SYNDIG1: variants seen among roughly 807,000 people sequenced by gnomAD.
SYNDIG1 encodes the protein synapse differentiation inducing 1.
In SYNDIG1, 9 loss-of-function variants were observed where a neutral mutation model predicts 19.4. The ratio of observed to expected loss-of-function variants is 0.46; its 90% CI spans 0.28 to 0.81. The LOEUF (loss-of-function observed/expected upper bound fraction) is 0.81, where lower values mean the gene tolerates loss of function less well. SYNDIG1 is among the 30% of genes least tolerant of loss of function. The pLI is 0.12. For synonymous variants in SYNDIG1, 141 were observed against 145.9 expected, an observed-to-expected ratio of 0.97 and a Z score of 0.24; for missense variants, 311 against 343.3, an observed-to-expected ratio of 0.91 and a Z score of 0.74.
intron 2 of SYNDIG1, among the ~76,000 whole-genome samples, chr20:24,579,254 GC>G (rs1218683821): frequency 2.0e-5 from 3 of 152,156 alleles, no homozygotes. Context: ...CAGATGCTGG[GC>G]CCTTATCACA....
At chr20:24,495,047 G>A (rs779036718) in intron 1 of SYNDIG1, among the ~76,000 whole-genome samples, 1 of 152,196 alleles carries the variant, frequency 6.6e-6, no homozygotes, top group Non-Finnish European at 1.5e-5. Flanking sequence ...ATGCATCTGC[G>A]GTAGTCATGG....
At chr20:24,489,781 C>T (rs6049733) in intron 1 of SYNDIG1, among the ~76,000 whole-genome samples, 1 of 152,226 alleles carries the variant, frequency 6.6e-6, no homozygotes, top group African/African-American at 2.4e-5. Flanking sequence ...AGCCAGGGGC[C>T]TCCAGCCAAA....
intron 3 of SYNDIG1, among the ~76,000 whole-genome samples, chr20:24,656,351 A>G (rs544791795): frequency 6.6e-6 from 1 of 152,336 alleles, no homozygotes; most frequent in South Asian, 2.1e-4. Flanking sequence ...AGTCCCACTG[A>G]TTCTAGCCGT....
intron 1 of SYNDIG1, among the ~76,000 whole-genome samples, chr20:24,485,490 T>G (rs1359038262): frequency 1.3e-5 from 2 of 152,212 alleles, no homozygotes; most frequent in Non-Finnish European, 2.9e-5. Flanking sequence ...TGGGAAAAAT[T>G]TGGAAGTTTC....
At chr20:24,538,550 C>T (rs1020137355) in intron 1 of SYNDIG1, among the ~76,000 whole-genome samples, 1 of 152,176 alleles carries the variant, frequency 6.6e-6, no homozygotes, top group African/African-American at 2.4e-5. Flanking sequence ...ATGAATAGTG[C>T]TGCTATGAAC....
chr20:24,608,060 G>C (rs563506659), intron 3 of SYNDIG1, among the ~76,000 whole-genome samples: 199 of 152,210 alleles, frequency 1.3e-3, no homozygotes, highest in Non-Finnish European at 2.7e-3. Flanking sequence ...CTGAATTTTA[G>C]TGTTTCCTTC....
rs1267137968 is a variant in SYNDIG1 at position 24,665,433 on chromosome 20, A to T, written c.706A>T (p.Ile236Phe). Residue 236 changes from isoleucine to phenylalanine, a missense_variant, in exon 4 of 4, where the codon ATT becomes TTT. By Grantham distance (21) the Ile-to-Phe change is conservative. Coordinates refer to ENST00000376862, the MANE Select transcript of SYNDIG1 (RefSeq NM_024893.3). ...ALFLAVLSIT[I>F]GTGVYVGVAV... ...ATTCCTGGCAGTGCTGTCCATCACC[A>T]TTGGGACTGGCGTCTATGTGGGCGT... is the stretch of plus-strand genomic sequence containing the variant. 6.2e-7 allele frequency: 1 copy of T among 1,613,526 alleles called. No individual in the cohort carries two copies. Among genetic ancestry groups the T allele is most frequent in the Admixed American group, 1.7e-5 (1 of 59,928 alleles).
intron 3 of SYNDIG1, among the ~76,000 whole-genome samples, chr20:24,628,432 A>T (rs181511091): frequency 4.7e-4 from 72 of 152,336 alleles, no homozygotes; most frequent in African/African-American, 1.7e-3. Context: ...TGGACCATCA[A>T]CTGAGGTGGC....
At chr20:24,640,468 GGGAAAGAAGGAA>G (rs1466675339) in intron 3 of SYNDIG1, among the ~76,000 whole-genome samples, 36 of 105,310 alleles carry the variant, frequency 3.4e-4, no homozygotes, top group Admixed American at 1.4e-3. Flanking sequence ...AAGGGAGGGA[GGGAAAGAAGGAA>G]GGAAGGAAGG....
At chr20:24,613,908 C>G (rs1221093315) in intron 3 of SYNDIG1, among the ~76,000 whole-genome samples, 1 of 152,178 alleles carries the variant, frequency 6.6e-6, no homozygotes, top group Non-Finnish European at 1.5e-5. Context: ...ATGCTGCCTC[C>G]CAGGTAGGGG....
intron 1 of SYNDIG1, among the ~76,000 whole-genome samples, chr20:24,508,497 C>T (rs574776334): frequency 5.9e-4 from 89 of 152,046 alleles, no homozygotes; most frequent in Non-Finnish European, 1.0e-3. Context: ...GGATTACAGG[C>T]GTGAGCCACC....
At chr20:24,573,141 A>G (rs573425522) in intron 2 of SYNDIG1, among the ~76,000 whole-genome samples, 1 of 152,338 alleles carries the variant, frequency 6.6e-6, no homozygotes, top group South Asian at 2.1e-4. Flanking sequence ...CCTGTGGCGC[A>G]AGTGAGAATT....
At chr20:24,588,084 C>T (rs556790470) in intron 3 of SYNDIG1, among the ~76,000 whole-genome samples, 8 of 152,234 alleles carry the variant, frequency 5.3e-5, no homozygotes, top group Middle Eastern at 6.8e-3. Context: ...TAGCCTGGTC[C>T]CATTTAGCAG....
rs1183652194 is a variant in SYNDIG1, at chr20:24,595,538, C to T, written c.618+10545C>T. On this transcript the variant is annotated intron_variant, in intron 3 of 3. Coordinates refer to ENST00000376862, the MANE Select transcript of SYNDIG1 (RefSeq NM_024893.3). ...GATGTGTTAAGGAGGAGTCCCTCCT[C>T]CTCCACTTTTTTGTAATAGTTTCAG... Among the ~76,000 whole-genome samples, 3 of 152,312 alleles carry T rather than the reference C, an allele frequency of 2.0e-5. No individual in the cohort carries two copies. In the East Asian group the frequency reaches 5.8e-4, roughly 29 times the overall value.
chr20:24,636,900 A>G (rs753630816), intron 3 of SYNDIG1, among the ~76,000 whole-genome samples: 42 of 152,268 alleles, frequency 2.8e-4, no homozygotes, highest in Non-Finnish European at 4.4e-5. Flanking sequence ...GATAAAATCT[A>G]TATTGATCAT....
chr20:24,611,816 A>G (rs765868213), intron 3 of SYNDIG1, among the ~76,000 whole-genome samples: 16 of 152,346 alleles, frequency 1.1e-4, no homozygotes, highest in Middle Eastern at 6.8e-3. Flanking sequence ...CTCAAGAATC[A>G]TAGGGAATCT....
At chr20:24,471,148 C>T (rs1326455950) in intron 1 of SYNDIG1, among the ~76,000 whole-genome samples, 1 of 152,062 alleles carries the variant, frequency 6.6e-6, no homozygotes, top group Non-Finnish European at 1.5e-5. Context: ...GTGGGGTGAG[C>T]AGCCTCATAG....
At chr20:24,512,218 A>T (rs1360573111) in intron 1 of SYNDIG1, among the ~76,000 whole-genome samples, 2 of 146,896 alleles carry the variant, frequency 1.4e-5, no homozygotes, top group Admixed American at 6.8e-5. Flanking sequence ...GTGAGCGATG[A>T]AGAAGATGGG....
intron 2 of SYNDIG1, among the ~76,000 whole-genome samples, chr20:24,544,252 C>T (rs777549164): frequency 8.5e-5 from 13 of 152,186 alleles, no homozygotes; most frequent in Non-Finnish European, 1.6e-4. Context: ...CCCCCCAGGA[C>T]AGCACCGGTG....
Sources: allele counts gnomAD v4.1 joint callset (sites outside exome capture counted in the v4.1 genomes callset), GRCh38; gene constraint gnomAD v4.1.1; transcripts MANE v1.5; gene names NCBI Gene and HGNC (gene_info 2026-07-23, HGNC 2026-07-21).